Variants in NEIL3 observed in about 807,000 individuals in gnomAD.
NEIL3 encodes the protein nei like DNA glycosylase 3.
Under a neutral mutation model 57.5 loss-of-function variants are expected in NEIL3, and 48 were observed. The ratio of observed to expected loss-of-function variants is 0.83; its 90% CI spans 0.66 to 1.06. The LOEUF (loss-of-function observed/expected upper bound fraction) is 1.06. Among genes scored for constraint, NEIL3 ranks in the 50% least tolerant of loss-of-function variants. NEIL3 has a pLI of 0.00. For missense variants in NEIL3, 717 were observed against 739.1 expected (o/e 0.97, Z 0.35); for synonymous variants, 261 against 253.2 (o/e 1.03, Z -0.29).
chr4:177,322,121 T>C (rs1734697082), intron 1 of NEIL3, among the ~76,000 whole-genome samples: 1 of 152,250 alleles, frequency 6.6e-6, no homozygotes, highest in Admixed American at 6.5e-5. Flanking sequence ...AGAACCTATA[T>C]TCCAGTTTTT....
intron 2 of NEIL3, 129 bp from the exon 3 acceptor site, chr4:177,335,559 C>A: frequency 1.5e-6 from 1 of 657,764 alleles, no homozygotes. Flanking sequence ...CTGGTTTCTG[C>A]CCTTTAAAAG....
chr4:177,353,668 C>G lies in NEIL3; in HGVS notation c.1400C>G (p.Pro467Arg). Residue 467 changes from proline (P) to arginine (R), a missense_variant, in exon 8 of 10, where the codon CCG (proline) becomes CGG (arginine). By Grantham distance (103) the Pro-to-Arg change is moderately radical (BLOSUM62 -2). Transcript: ENST00000264596. ...SKLFSPAHKK[P>R]KTAQYSSPEL... is the part of the protein sequence containing the mutation. Reference sequence around the variant, plus strand: ...TTATTTAGTCCAGCACATAAAAAACCGAAAACAGCCCAATACTCATCACCA... The same window carrying G: ...TTATTTAGTCCAGCACATAAAAAACGGAAAACAGCCCAATACTCATCACCA... 1 of 1,613,700 alleles carries G rather than the reference C, an allele frequency of 6.2e-7. No homozygotes were observed. The highest frequency in any genetic ancestry group is 2.2e-5 in the East Asian group (1 of 44,874).
At chr4:177,365,654 T>C (rs1210598738), downstream of NEIL3, among the ~76,000 whole-genome samples, 1 of 152,212 alleles carries the variant, frequency 6.6e-6, no homozygotes, top group East Asian at 1.9e-4. Context: ...CTTAAATATA[T>C]GTACAGCTCA....
intron 2 of NEIL3, among the ~76,000 whole-genome samples, chr4:177,325,584 T>G (rs977617350): frequency 6.6e-6 from 1 of 152,074 alleles, no homozygotes; most frequent in African/African-American, 2.4e-5. Context: ...GACTTAGAAA[T>G]TCTAAGTCAT....
chr4:177,323,846 A>G (rs1348497925), intron 2 of NEIL3, among the ~76,000 whole-genome samples: 7 of 152,330 alleles, frequency 4.6e-5, no homozygotes, highest in Middle Eastern at 3.4e-3. Flanking sequence ...GTCATTTCTC[A>G]GCACACGGCT....
downstream of NEIL3, among the ~76,000 whole-genome samples, chr4:177,367,930 G>A (rs529172557): frequency 1.8e-4 from 28 of 152,086 alleles, no homozygotes; most frequent in Non-Finnish European, 2.6e-4. Context: ...TGGTGTTGTC[G>A]CTATTTCTGA....
chr4:177,366,922 A>T (rs1482263922), downstream of NEIL3, among the ~76,000 whole-genome samples: 1 of 152,024 alleles, frequency 6.6e-6, no homozygotes, highest in Admixed American at 6.6e-5. Context: ...TCTCCACTCT[A>T]CTATTGAGAT....
chr4:177,351,460 C>T lies in NEIL3; in HGVS notation c.950C>T (p.Ser317Leu), dbSNP rs756502121. ...DHVMDSVARK[S>L]EEHWTCVVCT... Reference sequence around the variant, plus strand: ...GTTATGGACTCCGTGGCTCGGAAGTCGGAAGAGCACTGGACCTGTGTGGTG... The same window carrying T: ...GTTATGGACTCCGTGGCTCGGAAGTTGGAAGAGCACTGGACCTGTGTGGTG... Residue 317 changes from serine (S) to leucine (L), a missense_variant, in exon 7 of 10, where the codon TCG becomes TTG. Ser to Leu is a moderately radical substitution (Grantham distance 145). Coordinates refer to ENST00000264596, the MANE Select transcript of NEIL3 (RefSeq NM_018248.3). The T allele has an allele frequency of 1.4e-5, 22 of 1,613,784 alleles. No homozygotes were observed. The East Asian group carries it at 1.8e-4, about 13-fold the overall frequency.
intron 1 of NEIL3, among the ~76,000 whole-genome samples, chr4:177,316,647 C>T (rs532176763): frequency 6.6e-6 from 1 of 152,180 alleles, no homozygotes; most frequent in East Asian, 1.9e-4. Context: ...ACTTGGTTTT[C>T]AGAGCTAAAG....
chr4:177,317,682 G>A (rs945121025), intron 1 of NEIL3, among the ~76,000 whole-genome samples: 3 of 132,506 alleles, frequency 2.3e-5, no homozygotes, highest in Admixed American at 1.8e-4. Flanking sequence ...GCTCACTGCA[G>A]CCTCCACCTC....
chr4:177,314,182 C>T (rs1734527445), intron 1 of NEIL3, among the ~76,000 whole-genome samples: 1 of 152,058 alleles, frequency 6.6e-6, no homozygotes, highest in African/African-American at 2.4e-5. Context: ...AATGATTTAT[C>T]CTTAATGACT....
Position 177,341,468 on chromosome 4 carries a change from T to C in NEIL3, c.703-8T>C. The C allele has an allele frequency of 6.4e-7, 1 of 1,555,700 alleles. No homozygotes were observed. Among genetic ancestry groups the C allele is most frequent in the Non-Finnish European group, 8.6e-7 (1 of 1,156,934 alleles). On this transcript the variant is annotated splice_polypyrimidine_tract_variant and splice_region_variant and intron_variant, in intron 5 of 9. Coordinates refer to ENST00000264596, the MANE Select transcript of NEIL3 (RefSeq NM_018248.3). ...ATAACAGAATTTTTTGGTTTTTTTTTTTTTTAGTGCCGTAAAGCAGGACTT... is the reference window on the plus strand; with the variant it reads ...ATAACAGAATTTTTTGGTTTTTTTTCTTTTTAGTGCCGTAAAGCAGGACTT...
chr4:177,339,466 A>G (rs1406123127), intron 4 of NEIL3, among the ~76,000 whole-genome samples: 2 of 152,110 alleles, frequency 1.3e-5, no homozygotes, highest in Non-Finnish European at 2.9e-5. Context: ...CTAAAAAAAC[A>G]GAAGAATATC....
chr4:177,354,027 A>C (rs889790593), intron 8 of NEIL3: 8 of 271,044 alleles, frequency 3.0e-5, no homozygotes, highest in Non-Finnish European at 5.6e-5. Context: ...CCGCCTCTCA[A>C]GGTGCTGGGA....
intron 8 of NEIL3, among the ~76,000 whole-genome samples, chr4:177,355,493 A>G (rs775196235): frequency 6.6e-6 from 1 of 152,096 alleles, no homozygotes; most frequent in African/African-American, 2.4e-5. Context: ...ATTTTGTGTA[A>G]TTTTTTTATT....
intron 6 of NEIL3, among the ~76,000 whole-genome samples, chr4:177,345,464 C>G (rs1735195280): frequency 7.2e-6 from 1 of 139,274 alleles, no homozygotes; most frequent in African/African-American, 2.7e-5. Context: ...CAAACCAACT[C>G]TTTTTTTTTT....
At chr4:177,310,303 G>A (rs1258675323) in intron 1 of NEIL3, among the ~76,000 whole-genome samples, 194 bp downstream of exon 1, 1 of 152,224 alleles carries the variant, frequency 6.6e-6, no homozygotes, top group African/African-American at 2.4e-5. Context: ...GGAGAGGAGG[G>A]CTAGCGTTCT....
intron 9 of NEIL3, among the ~76,000 whole-genome samples, chr4:177,361,567 C>A (rs2110945528): frequency 6.6e-6 from 1 of 152,118 alleles, no homozygotes; most frequent in South Asian, 2.1e-4. Context: ...ATTTCCTCCT[C>A]AAGAAGCTTT....
chr4:177,330,518 G>T (rs772105510), intron 2 of NEIL3, among the ~76,000 whole-genome samples: 1 of 152,010 alleles, frequency 6.6e-6, no homozygotes, highest in Non-Finnish European at 1.5e-5. Flanking sequence ...ATTTAAAAAT[G>T]AAAGCAATAG....
Sources: gnomAD v4.1 joint callset for allele counts (sites outside exome capture counted in the v4.1 genomes callset) on GRCh38, gnomAD v4.1.1 for gene constraint, MANE v1.5 for transcripts, NCBI Gene and HGNC (gene_info 2026-07-23, HGNC 2026-07-21) for gene names.